The following FUT9 variants were observed in gnomAD, a reference collection of about 807,000 sequenced individuals.
FUT9 encodes 4-galactosyl-N-acetylglucosaminide 3-alpha-L-fucosyltransferase 9.
Under a neutral mutation model 29.7 loss-of-function variants are expected in FUT9, and 15 were observed. The ratio of observed to expected loss-of-function variants is 0.51; its 90% confidence interval spans 0.34 to 0.78. The LOEUF is 0.78. FUT9 is among the 30% of genes least tolerant of loss of function. The probability of loss-of-function intolerance (pLI) is 0.01; values close to 1 mark genes in which losing one functional copy is unlikely to be tolerated. For missense variants in FUT9, 319 were observed against 425.4 expected (o/e 0.75, Z 2.20); for synonymous variants, 169 against 153.7 (o/e 1.10, Z -0.74).
In FUT9 at chr6:96,193,815, A is replaced by C. The variant is rs187025218; in HGVS notation, c.-8-9333A>C. The stretch of plus-strand genomic sequence containing the variant: ...CTTGGAACCAACCCAAATGTTGATC[A>C]ATGATAGACTGGATTAAGAGAATGT... On this transcript the variant is annotated intron_variant, in intron 2 of 2. Transcript: ENST00000302103. Among the ~76,000 whole-genome samples, 511 of 152,316 alleles carry C rather than the reference A, an allele frequency of 3.4e-3. 4 individuals are homozygous for C. Among genetic ancestry groups the C allele is most frequent in the African/African-American group, 0.012 (482 of 41,562 alleles).
chr6:96,023,028 T>C (rs1215722750), intron 1 of FUT9, among the ~76,000 whole-genome samples: 1 of 151,852 alleles, frequency 6.6e-6, no homozygotes, highest in East Asian at 1.9e-4. Context: ...ACCCCAAATA[T>C]AGAGAGAAGG....
intron 2 of FUT9, among the ~76,000 whole-genome samples, chr6:96,156,494 C>A (rs1004630707): frequency 2.0e-5 from 3 of 152,094 alleles, no homozygotes; most frequent in Non-Finnish European, 4.4e-5. Flanking sequence ...TTTTCCTTCG[C>A]AGTACAAGGG....
rs180677429 is a variant in FUT9, at chr6:96,055,595, C to T, written c.-98+39383C>T. Among the ~76,000 whole-genome samples the T allele has an allele frequency of 4.5e-3, 688 of 151,448 alleles. 7 individuals carry two copies. The highest frequency in any genetic ancestry group is 0.015 in the African/African-American group (634 of 41,266). On this transcript the variant is annotated intron_variant, in intron 1 of 2. Transcript: ENST00000302103. Reference sequence around the variant, plus strand: ...GCTTGTTACCTAGGTAAACATGCATCATGGGGGTTTGTTGTACCGGTTGTT... The same window carrying T: ...GCTTGTTACCTAGGTAAACATGCATTATGGGGGTTTGTTGTACCGGTTGTT...
At chr6:96,104,433 T>C (rs1771640901) in intron 1 of FUT9, among the ~76,000 whole-genome samples, 1 of 152,228 alleles carries the variant, frequency 6.6e-6, no homozygotes, top group Non-Finnish European at 1.5e-5. Context: ...ATATTTGCCA[T>C]ACATGGTCCA....
chr6:96,122,929 G>A (rs1582248267), intron 2 of FUT9, among the ~76,000 whole-genome samples: 1 of 151,508 alleles, frequency 6.6e-6, no homozygotes, highest in Admixed American at 6.6e-5. Flanking sequence ...GCATGGTGGC[G>A]GGCGCCTGTA....
intron 2 of FUT9, among the ~76,000 whole-genome samples, chr6:96,131,373 T>G (rs1482789346): frequency 6.6e-6 from 1 of 152,122 alleles, no homozygotes; most frequent in Non-Finnish European, 1.5e-5. Flanking sequence ...ATATTTATAT[T>G]GTAAGTGGTT....
intron 1 of FUT9, among the ~76,000 whole-genome samples, chr6:96,028,764 A>G (rs1770210394): frequency 1.3e-5 from 2 of 151,660 alleles, no homozygotes; most frequent in Admixed American, 1.3e-4. Context: ...AGAATATTAT[A>G]TAATAATGCA....
At chr6:96,118,177 C>T (rs980030454) in intron 2 of FUT9, among the ~76,000 whole-genome samples, 1 of 147,366 alleles carries the variant, frequency 6.8e-6, no homozygotes, top group South Asian at 2.2e-4. Flanking sequence ...TGCAGTCCAG[C>T]CTGGGCAAGA....
rs1251617080 is a variant in FUT9, at chr6:96,215,440, GTA to G, written c.*11207_*11208del. 6.0e-6 allele frequency: 1 copy of G among 166,788 alleles called. No homozygotes were observed. Among genetic ancestry groups the G allele is most frequent in the East Asian group, 1.9e-4 (1 of 5,200 alleles). 10.3% of individuals were successfully genotyped at this position (166,788 alleles called of 1,614,324 possible). A position where few individuals can be genotyped will look rare whatever the true frequency, so the allele number is the denominator to read the frequency against. On this transcript the variant is annotated 3_prime_UTR_variant, in exon 3 of 3. Coordinates refer to ENST00000302103, the MANE Select transcript of FUT9 (RefSeq NM_006581.4). ...ATAAATGTATAAAGGATTTGAGCCTGTATGTGTAAGAAGAAACTCTCTCTTCA... is the reference window on the plus strand; with the variant it reads ...ATAAATGTATAAAGGATTTGAGCCTGTGTGTAAGAAGAAACTCTCTCTTCA...
At chr6:96,180,247 A>G (rs1015377682) in intron 2 of FUT9, among the ~76,000 whole-genome samples, 1 of 152,122 alleles carries the variant, frequency 6.6e-6, no homozygotes, top group African/African-American at 2.4e-5. Context: ...ACATGTATCA[A>G]TTCATTTTAC....
At chr6:96,102,368 A>C (rs1562124945) in intron 1 of FUT9, among the ~76,000 whole-genome samples, 1 of 152,052 alleles carries the variant, frequency 6.6e-6, no homozygotes, top group Non-Finnish European at 1.5e-5. Flanking sequence ...CATTGCCATT[A>C]ATTTAAAATA....
At chr6:96,147,539 T>C (rs879730320) in intron 2 of FUT9, among the ~76,000 whole-genome samples, 15 of 152,134 alleles carry the variant, frequency 9.9e-5, no homozygotes, top group Non-Finnish European at 1.8e-4. Flanking sequence ...AAAATGAAAA[T>C]ACCAAAGCTT....
At chr6:96,107,364 A>T (rs1771710374) in intron 1 of FUT9, among the ~76,000 whole-genome samples, 1 of 152,182 alleles carries the variant, frequency 6.6e-6, no homozygotes, top group Admixed American at 6.5e-5. Context: ...ATATATGTAC[A>T]TTCTGCATTT....
intron 2 of FUT9, among the ~76,000 whole-genome samples, chr6:96,179,649 A>C (rs1037343699): frequency 1.4e-4 from 22 of 152,154 alleles, no homozygotes; most frequent in Non-Finnish European, 5.9e-5. Flanking sequence ...GTTTTGGTTA[A>C]GTTACCTTGC....
chr6:96,018,084 G>A (rs938899181), intron 1 of FUT9, among the ~76,000 whole-genome samples: 1 of 152,160 alleles, frequency 6.6e-6, no homozygotes, highest in Non-Finnish European at 1.5e-5. Flanking sequence ...CGCATTAAAA[G>A]TCAAGAGGGG....
intron 2 of FUT9, among the ~76,000 whole-genome samples, chr6:96,168,864 TAGTC>T (rs1484718519): frequency 6.6e-6 from 1 of 152,166 alleles, no homozygotes; most frequent in Non-Finnish European, 1.5e-5. Flanking sequence ...TATTTTTTAA[TAGTC>T]AAGAGGTGAT....
intron 1 of FUT9, among the ~76,000 whole-genome samples, chr6:96,029,628 G>T (rs1770226996): frequency 1.3e-5 from 2 of 151,494 alleles, no homozygotes; most frequent in African/African-American, 4.8e-5. Flanking sequence ...CAATTATTTT[G>T]CACTTGATAT....
chr6:96,059,329 CT>C (rs772400450), intron 1 of FUT9, among the ~76,000 whole-genome samples: 2 of 152,192 alleles, frequency 1.3e-5, no homozygotes, highest in Non-Finnish European at 2.9e-5. Context: ...ATTTCTCCAT[CT>C]TGATCTGTGC....
rs866701331 is a variant in FUT9 at position 96,209,064 on chromosome 6, C to T, written c.*4829C>T. ...TAACAGAATCTAAATAAGATATAGCCGGCTAAATCTGGAATGTGAGTGCTA... is the reference window on the plus strand; with the variant it reads ...TAACAGAATCTAAATAAGATATAGCTGGCTAAATCTGGAATGTGAGTGCTA... On this transcript the variant is annotated 3_prime_UTR_variant, in exon 3 of 3. Transcript: ENST00000302103. 4 of 166,626 alleles carry T rather than the reference C, an allele frequency of 2.4e-5. No homozygotes were observed. The highest frequency in any genetic ancestry group is 4.4e-5 in the Non-Finnish European group (3 of 67,956). 10.3% of individuals were successfully genotyped at this position (166,626 alleles called of 1,614,324 possible). A position where few individuals can be genotyped will look rare whatever the true frequency, so the allele number is the denominator to read the frequency against.
Sources: allele counts gnomAD v4.1 joint callset (sites outside exome capture counted in the v4.1 genomes callset), GRCh38; gene constraint gnomAD v4.1.1; transcripts MANE v1.5; gene names NCBI Gene and HGNC (gene_info 2026-07-23, HGNC 2026-07-21).